The following ARHGAP35 variants were observed in gnomAD, a reference collection of about 807,000 sequenced individuals.
ARHGAP35 encodes rho GTPase-activating protein 35.
ARHGAP35 carries 15 observed loss-of-function variants against 111.1 expected under a neutral mutation model. That is an observed-to-expected ratio of 0.13 (90% CI 0.09 to 0.21). The LOEUF is 0.21. Ranked by LOEUF, ARHGAP35 falls within the 10% of genes least tolerant of loss-of-function variation. The probability of loss-of-function intolerance (pLI) is 1.00; values close to 1 mark genes in which losing one functional copy is unlikely to be tolerated. For synonymous variants in ARHGAP35, 643 were observed against 710.3 expected, an observed-to-expected ratio of 0.91 and a Z score of 1.51; for missense variants, 1,262 against 1,873.0, an observed-to-expected ratio of 0.67 and a Z score of 6.02.
chr19:46,907,248 G>A (rs1386685282), intron 1 of ARHGAP35, among the ~76,000 whole-genome samples: 2 of 152,032 alleles, frequency 1.3e-5, no homozygotes, highest in Non-Finnish European at 2.9e-5. Context: ...CCAGGTTCAC[G>A]CCATTCTCCT....
At chr19:46,867,995 T>C (rs1339735449) in intron 1 of ARHGAP35, among the ~76,000 whole-genome samples, 1 of 152,154 alleles carries the variant, frequency 6.6e-6, no homozygotes, top group Non-Finnish European at 1.5e-5. Flanking sequence ...GCCTCCCAAG[T>C]AGCTGGGATT....
In ARHGAP35 at chr19:47,001,493, G is replaced by T. The variant is rs1445274235; in HGVS notation, c.*805G>T. 1 of 1,014,370 alleles carries T rather than the reference G, an allele frequency of 9.9e-7. No individual in the cohort carries two copies. The highest frequency in any genetic ancestry group is 1.3e-6 in the Non-Finnish European group (1 of 749,248). 62.8% of individuals were successfully genotyped at this position (1,014,370 alleles called of 1,614,324 possible). On this transcript the variant is annotated 3_prime_UTR_variant, in exon 7 of 7. Transcript: ENST00000672722. The surrounding 1 kb of genome is among the most constrained non-coding windows in gnomAD (Gnocchi z 5.4). ...CTGCCGGGAGGGAGGGAGGCACACAGGTGGAGCTGACCCTCGTCTTTGTGG... is the reference window on the plus strand; with the variant it reads ...CTGCCGGGAGGGAGGGAGGCACACATGTGGAGCTGACCCTCGTCTTTGTGG...
rs903155644 is a variant in ARHGAP35 at position 46,994,811 on chromosome 19, A to T, written c.4037-4493A>T. Among the ~76,000 whole-genome samples the T allele has an allele frequency of 6.6e-6, 1 of 152,122 alleles. No individual in the cohort carries two copies. Among genetic ancestry groups the T allele is most frequent in the Non-Finnish European group, 1.5e-5 (1 of 67,996 alleles). ...GTCCCCGTAAATATCTGCTCCTCCC[A>T]CCCACTGCGGATGAACAAATGACCC... is the stretch of plus-strand genomic sequence containing the variant. On this transcript the variant is annotated intron_variant, in intron 5 of 6. Transcript: ENST00000672722. The surrounding 1 kb of genome is among the most constrained non-coding windows in gnomAD (Gnocchi z 5.4).
intron 2 of ARHGAP35, among the ~76,000 whole-genome samples, chr19:46,935,243 G>A (rs891542396): frequency 6.6e-6 from 1 of 152,108 alleles, no homozygotes; most frequent in South Asian, 2.1e-4. Context: ...TGGAGTACAT[G>A]GTTCTTCCCT....
chr19:46,904,243 A>C (rs1325830916), intron 1 of ARHGAP35, among the ~76,000 whole-genome samples: 1 of 152,190 alleles, frequency 6.6e-6, no homozygotes. Context: ...CTGTGACGTG[A>C]GGGAGCTGGC....
At chr19:46,985,181 G>A (rs1311760215) in intron 3 of ARHGAP35, among the ~76,000 whole-genome samples, 1 of 152,196 alleles carries the variant, frequency 6.6e-6, no homozygotes, top group East Asian at 1.9e-4. Context: ...GCTCATATGT[G>A]AAATAGGTAG....
At position 46,879,168 on chromosome 19, in the gene ARHGAP35, C is replaced by G. The variant is rs114639453; in HGVS notation, c.-189+17959C>G. Reference sequence around the variant, plus strand: ...GAGTAGATTCCATCTTAAAAAATTGCTGGGCGGGCCAGGCACGGTGGCTTA... The same window carrying G: ...GAGTAGATTCCATCTTAAAAAATTGGTGGGCGGGCCAGGCACGGTGGCTTA... On this transcript the variant is annotated intron_variant, in intron 1 of 6. Coordinates refer to ENST00000672722, the MANE Select transcript of ARHGAP35 (RefSeq NM_004491.5). Among the ~76,000 whole-genome samples, 431 of 152,244 alleles carry G rather than the reference C, an allele frequency of 2.8e-3. 1 individual carries two copies. The highest frequency in any genetic ancestry group is 9.8e-3 in the African/African-American group (407 of 41,546).
At chr19:46,944,542 A>T (rs755764850) in intron 3 of ARHGAP35, among the ~76,000 whole-genome samples, 1 of 152,132 alleles carries the variant, frequency 6.6e-6, no homozygotes, top group Non-Finnish European at 1.5e-5. Context: ...CTTGGGCGTC[A>T]CTTCTGAATT....
intron 1 of ARHGAP35, among the ~76,000 whole-genome samples, chr19:46,869,500 G>A (rs994707675): frequency 2.0e-5 from 3 of 150,124 alleles, no homozygotes; most frequent in Admixed American, 6.6e-5. Flanking sequence ...GTGTGTGTGT[G>A]TGTGTGTGTA....
intron 3 of ARHGAP35, among the ~76,000 whole-genome samples, chr19:46,981,016 G>A (rs1312222934): frequency 6.6e-6 from 1 of 152,166 alleles, no homozygotes; most frequent in Non-Finnish European, 1.5e-5. Flanking sequence ...TTCCATTGAG[G>A]TGAGATTGGG....
At position 46,957,587 on chromosome 19, in the gene ARHGAP35, C is replaced by T. The variant is rs1032629538; in HGVS notation, c.3826+20179C>T. On this transcript the variant is annotated intron_variant, in intron 3 of 6. Coordinates refer to ENST00000672722, the MANE Select transcript of ARHGAP35 (RefSeq NM_004491.5). ...GCGATCACGCTACTGCATTCCAGAC[C>T]GGCAATAGAGTTAAACCCTATCTCA... is the stretch of plus-strand genomic sequence containing the variant. Among the ~76,000 whole-genome samples the T allele has an allele frequency of 4.6e-5, 7 of 152,212 alleles. No homozygotes were observed. In the South Asian group the frequency reaches 8.3e-4, roughly 18 times the overall value.
chr19:46,883,851 T>C (rs568143163), intron 1 of ARHGAP35, among the ~76,000 whole-genome samples: 49 of 152,204 alleles, frequency 3.2e-4, no homozygotes, highest in Non-Finnish European at 6.5e-4. Flanking sequence ...GCTCAGGAGT[T>C]TGAGACCAGC....
intron 3 of ARHGAP35, among the ~76,000 whole-genome samples, chr19:46,984,943 C>T (rs1192204945): frequency 6.6e-6 from 1 of 152,184 alleles, no homozygotes; most frequent in Non-Finnish European, 1.5e-5. Context: ...CCTCGGCTGG[C>T]CAGGTCTTCT....
chr19:46,998,450 G>A (rs925271396), intron 5 of ARHGAP35, among the ~76,000 whole-genome samples: 9 of 152,190 alleles, frequency 5.9e-5, no homozygotes, highest in Middle Eastern at 3.2e-3. Context: ...GCTCTGGGAC[G>A]TTTGTGCCTC....
chr19:46,952,180 C>A (rs866096361), intron 3 of ARHGAP35, among the ~76,000 whole-genome samples: 7 of 152,026 alleles, frequency 4.6e-5, no homozygotes, highest in South Asian at 4.2e-4. Context: ...CACATGTATC[C>A]TGTAAATAGG....
intron 1 of ARHGAP35, among the ~76,000 whole-genome samples, chr19:46,868,464 C>G (rs926942244): frequency 6.6e-6 from 1 of 152,126 alleles, no homozygotes; most frequent in Non-Finnish European, 1.5e-5. Context: ...TATTAATAGT[C>G]TTGAAGACTT....
chr19:46,944,165 T>C (rs1402012235), intron 3 of ARHGAP35, among the ~76,000 whole-genome samples: 1 of 151,944 alleles, frequency 6.6e-6, no homozygotes, highest in East Asian at 1.9e-4. Flanking sequence ...CCATACATGA[T>C]GGTCCATGCC....
At chr19:46,946,197 T>C (rs1035654056) in intron 3 of ARHGAP35, among the ~76,000 whole-genome samples, 2 of 152,220 alleles carry the variant, frequency 1.3e-5, no homozygotes, top group African/African-American at 2.4e-5. Context: ...TCTTGAGCGT[T>C]GATATGGCCT....
In ARHGAP35 at chr19:46,880,904, GGCCTGAAGGGATCCTCCT is replaced by G. The variant is rs994538365; in HGVS notation, c.-189+19700_-189+19717del. On this transcript the variant is annotated intron_variant, in intron 1 of 6. Coordinates refer to ENST00000672722, the MANE Select transcript of ARHGAP35 (RefSeq NM_004491.5). Reference sequence around the variant, plus strand: ...TTGCCTGGGTTGGTGTTGAACTCCTGGCCTGAAGGGATCCTCCTGCCTCAGCCTCTCAAATGAATGTTC... The same window carrying G: ...TTGCCTGGGTTGGTGTTGAACTCCTGGCCTCAGCCTCTCAAATGAATGTTC... Among the ~76,000 whole-genome samples the G allele has an allele frequency of 1.4e-3, 206 of 151,160 alleles. 1 individual carries two copies. Among genetic ancestry groups the G allele is most frequent in the African/African-American group, 4.7e-3 (195 of 41,108 alleles).
Sources: gnomAD v4.1 joint callset for allele counts (sites outside exome capture counted in the v4.1 genomes callset) on GRCh38, gnomAD v4.1.1 for gene constraint, Gnocchi (gnomAD v3.1) non-coding constraint, MANE v1.5 for transcripts, NCBI Gene and HGNC (gene_info 2026-07-23, HGNC 2026-07-21) for gene names.